Variants in AK3 observed in about 807,000 individuals in gnomAD.
The protein encoded by AK3 is GTP:AMP phosphotransferase AK3, mitochondrial.
In AK3, 27 loss-of-function variants were observed where a neutral mutation model predicts 23.7. The ratio of observed to expected loss-of-function variants is 1.14; its 90% CI spans 0.84 to 1.57. The LOEUF is 1.57. AK3 is among the 40% of genes most tolerant of loss of function. The pLI, the probability that AK3 is intolerant of heterozygous loss-of-function variation, is 0.00. For missense variants in AK3, 406 were observed against 285.6 expected, an observed-to-expected ratio of 1.42 and a Z score of -3.04; for synonymous variants, 159 against 116.0, an observed-to-expected ratio of 1.37 and a Z score of -2.38.
At chr9:4,723,491 T>A (rs906307386) in intron 1 of AK3, among the ~76,000 whole-genome samples, 1 of 152,218 alleles carries the variant, frequency 6.6e-6, no homozygotes, top group Non-Finnish European at 1.5e-5. Flanking sequence ...GAAAATGATT[T>A]ATGAACAATT....
At position 4,712,519 on chromosome 9, in the gene AK3, T is replaced by C. The variant is rs1456662270; in HGVS notation, c.*457A>G. On this transcript the variant is annotated 3_prime_UTR_variant, in exon 5 of 5. Coordinates refer to ENST00000381809, the MANE Select transcript of AK3 (RefSeq NM_016282.4). ...GTTGCTTTCTTTCTGGAATTTTATA[T>C]AGTGTCTCACCATGTTCCACAATGC... 2 of 152,444 alleles carry C rather than the reference T, an allele frequency of 1.3e-5. No homozygotes were observed. The highest frequency in any genetic ancestry group is 4.8e-5 in the African/African-American group (2 of 41,472). The allele number at this position is 152,444 out of a possible 1,614,324, so 9.4% of individuals were successfully genotyped here. A position where few individuals can be genotyped will look rare whatever the true frequency, so the allele number is the denominator to read the frequency against.
Position 4,709,769 on chromosome 9 carries a change from A to C in AK3, c.*3207T>G, listed in dbSNP as rs551050409. ...TTCCAAGATGAAAATCTTTAACTGC[A>C]AAGATAGAAAAGCTATTTCTACAGT... On this transcript the variant is annotated 3_prime_UTR_variant, in exon 5 of 5. Transcript: ENST00000381809. The C allele has an allele frequency of 6.6e-6, 1 of 152,240 alleles. No individual in the cohort carries two copies. The highest frequency in any genetic ancestry group is 1.5e-5 in the Non-Finnish European group (1 of 68,028). The allele number at this position is 152,240 out of a possible 1,614,324, so 9.4% of individuals were successfully genotyped here.
chr9:4,714,014 A>ACATACACACACCTC (rs1841639463), intron 4 of AK3, among the ~76,000 whole-genome samples: 1 of 121,402 alleles, frequency 8.2e-6, no homozygotes, highest in African/African-American at 3.4e-5. Context: ...ATATACACCT[A>ACATACACACACCTC]CACATATACA....
At chr9:4,733,385 C>T (rs1437095787) in intron 1 of AK3, among the ~76,000 whole-genome samples, 1 of 152,132 alleles carries the variant, frequency 6.6e-6, no homozygotes, top group Admixed American at 6.5e-5. Context: ...AAGTGGTTAC[C>T]TCTGGGAAGC....
At chr9:4,728,994 C>G (rs1842088556) in intron 1 of AK3, among the ~76,000 whole-genome samples, 1 of 119,204 alleles carries the variant, frequency 8.4e-6, no homozygotes, top group Non-Finnish European at 1.7e-5. Flanking sequence ...TATACACACA[C>G]ACACATATAT....
At position 4,709,854 on chromosome 9, in the gene AK3, C is replaced by G. The variant is rs924010047; in HGVS notation, c.*3122G>C. On this transcript the variant is annotated 3_prime_UTR_variant, in exon 5 of 5. Transcript: ENST00000381809. ...TTTTATTTTTTGGTCAATGAGAAGA[C>G]ACAACATATTCTAAAATACAAATTC... 6.6e-6 allele frequency: 1 copy of G among 151,990 alleles called. No homozygotes were observed. The allele number at this position is 151,990 out of a possible 1,614,324, so 9.4% of individuals were successfully genotyped here.
At position 4,741,123 on chromosome 9, in the gene AK3, G is replaced by C. The variant is rs1043749432; in HGVS notation, c.-36C>G. The C allele has an allele frequency of 2.0e-6, 3 of 1,473,172 alleles. No homozygotes were observed. Among genetic ancestry groups the C allele is most frequent in the African/African-American group, 1.5e-5 (1 of 68,040 alleles). The allele number at this position is 1,473,172 out of a possible 1,614,324, so 91.3% of individuals were successfully genotyped here. A position where few individuals can be genotyped will look rare whatever the true frequency, so the allele number is the denominator to read the frequency against. On this transcript the variant is annotated 5_prime_UTR_variant, in exon 1 of 5. Coordinates refer to ENST00000381809, the MANE Select transcript of AK3 (RefSeq NM_016282.4). ...TGAGGCCCGCACCGCGCGGGTACCA[G>C]GGCTTTGGCCTGGCCTGCGCGCTCA...
rs1841575432 is a variant in AK3, at chr9:4,712,054, T to C, written c.*922A>G. ...TACATAGTGCCACGGGTTTCTCTTTTTTCTTCTCTTTTTTATTGGCGGGGG... is the reference window on the plus strand; with the variant it reads ...TACATAGTGCCACGGGTTTCTCTTTCTTCTTCTCTTTTTTATTGGCGGGGG... On this transcript the variant is annotated 3_prime_UTR_variant, in exon 5 of 5. Transcript: ENST00000381809. 1 of 152,178 alleles carries C rather than the reference T, an allele frequency of 6.6e-6. No homozygotes were observed. Among genetic ancestry groups the C allele is most frequent in the African/African-American group, 2.4e-5 (1 of 41,448 alleles). 9.4% of individuals were successfully genotyped at this position (152,178 alleles called of 1,614,324 possible). A position where few individuals can be genotyped will look rare whatever the true frequency, so the allele number is the denominator to read the frequency against.
At position 4,711,029 on chromosome 9, in the gene AK3, T is replaced by C. The variant is rs773117120; in HGVS notation, c.*1947A>G. 11 of 151,896 alleles carry C rather than the reference T, an allele frequency of 7.2e-5. No individual in the cohort carries two copies. The highest frequency in any genetic ancestry group is 1.3e-4 in the Non-Finnish European group (9 of 67,988). The allele number at this position is 151,896 out of a possible 1,614,324, so 9.4% of individuals were successfully genotyped here. On this transcript the variant is annotated 3_prime_UTR_variant, in exon 5 of 5. Transcript: ENST00000381809. ...AGGGAATGGTCACAGGAAATAAGAG[T>C]CTTAATTCTCATAGCCATGTTCTTC...
Position 4,728,856 on chromosome 9 carries a change from T to TACAC in AK3, c.152-6232_152-6231insGTGT, listed in dbSNP as rs1236773024. 8.9e-3 allele frequency among the ~76,000 whole-genome samples: 543 copies of TACAC among 60,806 alleles called. 9 individuals are homozygous for TACAC. The highest frequency in any genetic ancestry group is 0.037 in the Middle Eastern group (6 of 160). 39.9% of individuals were successfully genotyped at this position (60,806 alleles called of 152,430 possible). On this transcript the variant is annotated intron_variant, in intron 1 of 4. Coordinates refer to ENST00000381809, the MANE Select transcript of AK3 (RefSeq NM_016282.4). ...ACATATATATATATATATATATATA[T>TACAC]ATATATATATACACACACACACACA... is the stretch of plus-strand genomic sequence containing the variant.
upstream of AK3, chr9:4,741,252 C>T: frequency 2.7e-6 from 2 of 735,748 alleles, no homozygotes; most frequent in Non-Finnish European, 3.9e-6. Context: ...TGGGGCCGCC[C>T]AGACAGCGCG....
In AK3 at chr9:4,719,267, T is replaced by C; in HGVS notation, c.312A>G (p.Arg104=). 9.9e-6 allele frequency: 16 copies of C among 1,610,804 alleles called. No homozygotes were observed. The highest frequency in any genetic ancestry group is 1.4e-5 in the Non-Finnish European group (16 of 1,179,660). Residue 104 remains arginine, a synonymous_variant, in exon 3 of 5, where the codon AGA becomes AGG. Transcript: ENST00000381809. The part of the protein sequence containing the change: ...RTLPQAEALD[R]AYQIDTVINL... The stretch of plus-strand genomic sequence containing the variant: ...TAATCACTGTGTCGATCTGATAAGC[T>C]CTATCTAGGGCTTCTGCCTGTGGAA...
chr9:4,734,434 C>T (rs73641823), intron 1 of AK3, among the ~76,000 whole-genome samples: 460 of 152,356 alleles, frequency 3.0e-3, no homozygotes, highest in African/African-American at 0.011. Context: ...AAATCAGTTG[C>T]TCTCTGTGTC....
chr9:4,739,698 G>A (rs1409361938), intron 1 of AK3, among the ~76,000 whole-genome samples: 4 of 151,964 alleles, frequency 2.6e-5, no homozygotes, highest in Admixed American at 6.6e-5. Context: ...TTGGAAGGCC[G>A]AGCCGGGTGG....
intron 1 of AK3, among the ~76,000 whole-genome samples, chr9:4,733,480 T>C (rs1251037502): frequency 6.6e-6 from 1 of 152,236 alleles, no homozygotes; most frequent in Non-Finnish European, 1.5e-5. Context: ...ATGTTCATTT[T>C]ATTCTTCTTC....
intron 1 of AK3, among the ~76,000 whole-genome samples, chr9:4,737,858 G>C (rs1314182685): frequency 1.3e-5 from 2 of 152,288 alleles, no homozygotes; most frequent in Non-Finnish European, 2.9e-5. Flanking sequence ...AAAGTTTCCA[G>C]TGTCCTTATC....
At chr9:4,737,930 G>A (rs1295598327) in intron 1 of AK3, among the ~76,000 whole-genome samples, 1 of 152,038 alleles carries the variant, frequency 6.6e-6, no homozygotes, top group Non-Finnish European at 1.5e-5. Context: ...ATAAAATATA[G>A]CACCCTCATG....
At position 4,710,171 on chromosome 9, in the gene AK3, T is replaced by G. The variant is rs1382089520; in HGVS notation, c.*2805A>C. On this transcript the variant is annotated 3_prime_UTR_variant, in exon 5 of 5. Transcript: ENST00000381809. ...CTTACAAAAGGTATAGCAAAATAAC[T>G]TTTACTCTATAAAATAAATCAGTTG... 1 of 152,148 alleles carries G rather than the reference T, an allele frequency of 6.6e-6. No individual in the cohort carries two copies. The highest frequency in any genetic ancestry group is 1.5e-5 in the Non-Finnish European group (1 of 68,024). 9.4% of individuals were successfully genotyped at this position (152,148 alleles called of 1,614,324 possible). A position where few individuals can be genotyped will look rare whatever the true frequency, so the allele number is the denominator to read the frequency against.
chr9:4,741,460 G>A (rs1842434523), upstream of AK3: 1 of 198,650 alleles, frequency 5.0e-6, no homozygotes. Context: ...GCGCCCCTCT[G>A]CACCCACCCC....
Sources: gnomAD v4.1 joint callset for allele counts (sites outside exome capture counted in the v4.1 genomes callset) on GRCh38, gnomAD v4.1.1 for gene constraint, MANE v1.5 for transcripts, NCBI Gene and HGNC (gene_info 2026-07-23, HGNC 2026-07-21) for gene names.